The following ZDHHC13 variants were observed in gnomAD, a reference collection of about 807,000 sequenced individuals.
The protein encoded by ZDHHC13 is zDHHC palmitoyltransferase 13, also known as palmitoyltransferase ZDHHC13.
In ZDHHC13, 85 loss-of-function variants were observed where a neutral mutation model predicts 86.0. That is an observed-to-expected ratio of 0.99 (90% CI 0.83 to 1.18). The LOEUF is 1.18. Ranked by LOEUF, ZDHHC13 falls within the 50% of genes most tolerant of loss-of-function variation. The pLI is 0.00. For synonymous variants in ZDHHC13, 263 were observed against 246.4 expected (o/e 1.07, Z -0.63); for missense variants, 711 against 730.2 (o/e 0.97, Z 0.30).
intron 1 of ZDHHC13, among the ~76,000 whole-genome samples, chr11:19,128,078 C>T (rs569547678): frequency 3.3e-5 from 5 of 152,188 alleles, no homozygotes; most frequent in South Asian, 2.1e-4. Flanking sequence ...TCTTCCTATC[C>T]GGGAGCATGG....
Position 19,146,197 on chromosome 11 carries a change from C to T in ZDHHC13, c.190C>T (p.Arg64Ter), listed in dbSNP as rs756313117. ...VKATQYGIFE[R>*]CKELVEAGYD... Reference sequence around the variant, plus strand: ...TTCTTTGAGATACGGAATTTTTGAACGATGTAAAGAGTTGGTAGAAGCAGG... The same window carrying T: ...TTCTTTGAGATACGGAATTTTTGAATGATGTAAAGAGTTGGTAGAAGCAGG... The change falls in exon 3 of 17, where the codon CGA becomes TGA. Residue 64 changes from arginine to a stop codon, truncating the protein, a stop_gained. Transcript: ENST00000446113. LOFTEE classifies it high-confidence loss of function. The T allele has an allele frequency of 4.7e-5, 74 of 1,582,934 alleles. No homozygotes were observed. Among genetic ancestry groups the T allele is most frequent in the South Asian group, 1.1e-4 (9 of 84,544 alleles).
chr11:19,150,918 A>G (rs78070388), intron 6 of ZDHHC13, 127 bp downstream of exon 6: 5 of 764,340 alleles, frequency 6.5e-6, no homozygotes, highest in Non-Finnish European at 1.0e-5. Flanking sequence ...TTTTTCACAC[A>G]GAGACTGTGA....
chr11:19,124,924 A>G (rs1016213078), intron 1 of ZDHHC13, among the ~76,000 whole-genome samples: 4 of 152,138 alleles, frequency 2.6e-5, no homozygotes, highest in African/African-American at 9.7e-5. Flanking sequence ...AGCCCTGGAA[A>G]TAAGCATCAG....
chr11:19,132,927 G>A (rs903861691), intron 1 of ZDHHC13, among the ~76,000 whole-genome samples: 20 of 152,138 alleles, frequency 1.3e-4, no homozygotes, highest in Admixed American at 3.9e-4. Context: ...ATGCACAGAA[G>A]TAGAAGGCTC....
chr11:19,117,259 C>A lies in ZDHHC13; in HGVS notation c.10C>A (p.Pro4Thr). Residue 4 changes from proline to threonine, a missense_variant, in exon 1 of 17, where the codon CCG (proline) becomes ACG (threonine). By Grantham distance (38) the Pro-to-Thr change is conservative. Coordinates refer to ENST00000446113, the MANE Select transcript of ZDHHC13 (RefSeq NM_019028.3). This position sits in a 1 kb window ranked among gnomAD's most constrained non-coding sequence, Gnocchi z 4.2. ...GTGGGCTCCTGGGGAGATGGAGGGGCCGGGGCTGGGCTCGCAGGTGAGTGC... is the reference window on the plus strand; with the variant it reads ...GTGGGCTCCTGGGGAGATGGAGGGGACGGGGCTGGGCTCGCAGGTGAGTGC... MEG[P>T]GLGSQCRNHS... is the part of the protein sequence containing the mutation. The A allele has an allele frequency of 6.6e-7, 1 of 1,505,224 alleles. No homozygotes were observed. The allele number at this position is 1,505,224 out of a possible 1,614,324, so 93.2% of individuals were successfully genotyped here.
intron 1 of ZDHHC13, among the ~76,000 whole-genome samples, chr11:19,124,594 T>G (rs1019330300): frequency 6.6e-6 from 1 of 152,180 alleles, no homozygotes; most frequent in Non-Finnish European, 1.5e-5. Context: ...ATTGAGATTC[T>G]AGAAATTTTT....
chr11:19,151,649 A>G (rs970357569), intron 6 of ZDHHC13, among the ~76,000 whole-genome samples: 1 of 152,066 alleles, frequency 6.6e-6, no homozygotes, highest in Non-Finnish European at 1.5e-5. Context: ...AGGTATTGGT[A>G]AAGTAAAAAT....
intron 3 of ZDHHC13, 111 bp from the exon 4 acceptor site, chr11:19,147,485 A>C: frequency 1.0e-5 from 9 of 895,434 alleles, no homozygotes; most frequent in Non-Finnish European, 1.5e-5. Flanking sequence ...GATTATTACT[A>C]TCATAATTTG....
At position 19,149,236 on chromosome 11, in the gene ZDHHC13, C is replaced by T; in HGVS notation, c.424C>T (p.Pro142Ser). The change falls in exon 5 of 17, where the codon CCC (proline) becomes TCC (serine). Residue 142 changes from proline (P) to serine (S), a missense_variant. Physicochemically the swap from Pro to Ser is moderately conservative, Grantham distance 74 (BLOSUM62 -1). Transcript: ENST00000446113. ...VILLLQHGAD[P>S]TLIDGEGFSS... ...ATTATTACTCCAGCATGGTGCAGAC[C>T]CCACTCTTATTGATGGAGAGGGATT... 1.2e-6 allele frequency: 2 copies of T among 1,605,564 alleles called. No individual in the cohort carries two copies. The highest frequency in any genetic ancestry group is 2.2e-5 in the East Asian group (1 of 44,772).
intron 16 of ZDHHC13, among the ~76,000 whole-genome samples, chr11:19,175,441 T>G (rs1327976345): frequency 2.2e-5 from 3 of 139,438 alleles, no homozygotes; most frequent in Non-Finnish European, 4.7e-5. Flanking sequence ...TCCCATCTTG[T>G]TGATTACAGT....
At chr11:19,163,161 A>G in intron 10 of ZDHHC13, 142 bp from the exon 11 acceptor site, 1 of 765,570 alleles carries the variant, frequency 1.3e-6, no homozygotes, top group South Asian at 3.3e-5. Flanking sequence ...GGATTAGAAC[A>G]TAGGATGGGA....
At chr11:19,163,537 G>A (rs2133460032) in intron 11 of ZDHHC13, 110 bp downstream of exon 11, 1 of 1,150,826 alleles carries the variant, frequency 8.7e-7, no homozygotes, top group East Asian at 3.1e-5. Flanking sequence ...CATGACATGT[G>A]GGGTGATATA....
chr11:19,173,556 G>T (rs1264481663), intron 16 of ZDHHC13, among the ~76,000 whole-genome samples: 1 of 152,156 alleles, frequency 6.6e-6, no homozygotes, highest in Non-Finnish European at 1.5e-5. Context: ...GGTACAAGAT[G>T]AAACTGTTAG....
chr11:19,161,250 A>G (rs927028121), intron 10 of ZDHHC13, among the ~76,000 whole-genome samples: 4 of 151,904 alleles, frequency 2.6e-5, no homozygotes, highest in African/African-American at 9.7e-5. Context: ...AGACAAAACG[A>G]TTTTGAGTTT....
intron 6 of ZDHHC13, 124 bp downstream of exon 6, chr11:19,150,915 C>A: frequency 1.3e-6 from 1 of 785,930 alleles, no homozygotes; most frequent in Non-Finnish European, 2.0e-6. Context: ...AGATTTTTCA[C>A]ACAGAGACTG....
intron 14 of ZDHHC13, chr11:19,168,040 C>G (rs1361594273): frequency 3.3e-5 from 5 of 152,248 alleles, no homozygotes; most frequent in African/African-American, 1.2e-4. Flanking sequence ...GTTTCAAGCT[C>G]CAGGCCTCAA....
chr11:19,175,770 A>C, intron 16 of ZDHHC13, 52 bp from the exon 17 acceptor site: 1 of 1,590,744 alleles, frequency 6.3e-7, no homozygotes, highest in Non-Finnish European at 8.5e-7. Context: ...ATGTTTGTCA[A>C]GCTACACAGG....
intron 15 of ZDHHC13, among the ~76,000 whole-genome samples, chr11:19,172,069 C>CTTAT (rs1244799883): frequency 2.0e-5 from 3 of 152,012 alleles, no homozygotes; most frequent in African/African-American, 4.8e-5. Context: ...ATTTTATTTA[C>CTTAT]TTATTTATTT....
At position 19,176,051 on chromosome 11, in the gene ZDHHC13, C is replaced by T; in HGVS notation, c.*91C>T. The T allele has an allele frequency of 7.1e-7, 1 of 1,412,124 alleles. No individual in the cohort carries two copies. The highest frequency in any genetic ancestry group is 9.4e-7 in the Non-Finnish European group (1 of 1,064,900). The allele number at this position is 1,412,124 out of a possible 1,614,324, so 87.5% of individuals were successfully genotyped here. ...AGTGAAGTAAAGATTTAGAATTCAC[C>T]TAAGTCCAAAGGAAAACACGTGGTT... On this transcript the variant is annotated 3_prime_UTR_variant, in exon 17 of 17. Transcript: ENST00000446113.
Sources: allele counts gnomAD v4.1 joint callset (sites outside exome capture counted in the v4.1 genomes callset), GRCh38; gene constraint gnomAD v4.1.1; non-coding constraint Gnocchi (gnomAD v3.1); transcripts MANE v1.5; gene names NCBI Gene and HGNC (gene_info 2026-07-23, HGNC 2026-07-21).